The following DCAF5 variants were observed in gnomAD, a reference collection of about 807,000 sequenced individuals.
DCAF5 encodes DDB1- and CUL4-associated factor 5.
In DCAF5, 9 loss-of-function variants were observed where a neutral mutation model predicts 80.7. The ratio of observed to expected loss-of-function variants is 0.11; its 90% CI spans 0.07 to 0.19. The LOEUF (loss-of-function observed/expected upper bound fraction) is 0.19. Among genes scored for constraint, DCAF5 ranks in the 10% least tolerant of loss-of-function variants. The probability of loss-of-function intolerance (pLI) is 1.00; values close to 1 mark genes in which losing one functional copy is unlikely to be tolerated. For synonymous variants in DCAF5, 433 were observed against 461.9 expected (o/e 0.94, Z 0.80); for missense variants, 842 against 1,205.7 (o/e 0.70, Z 4.47).
chr14:69,139,243 T>G (rs1221184903), intron 1 of DCAF5, among the ~76,000 whole-genome samples: 1 of 151,738 alleles, frequency 6.6e-6, no homozygotes, highest in Admixed American at 6.6e-5. Context: ...TCCCAACACT[T>G]TGGGAGGCAG....
chr14:69,056,384 G>A (rs901581503), intron 8 of DCAF5, among the ~76,000 whole-genome samples: 13 of 152,178 alleles, frequency 8.5e-5, no homozygotes, highest in Non-Finnish European at 1.9e-4. Context: ...CATGGTCAGG[G>A]ACATGGACTC....
chr14:69,057,934 A>G (rs2038039614), intron 8 of DCAF5, among the ~76,000 whole-genome samples: 1 of 152,142 alleles, frequency 6.6e-6, no homozygotes, highest in Non-Finnish European at 1.5e-5. Context: ...CTCACACTTG[A>G]AAGCCTGTTT....
intron 7 of DCAF5, among the ~76,000 whole-genome samples, chr14:69,072,067 G>C (rs2038714859): frequency 6.6e-6 from 1 of 152,120 alleles, no homozygotes; most frequent in Admixed American, 6.5e-5. Context: ...TTAAACAAAA[G>C]TCTTCATATA....
intron 5 of DCAF5, 57 bp downstream of exon 5, chr14:69,116,309 T>G (rs895636244): frequency 6.3e-7 from 1 of 1,576,796 alleles, no homozygotes; most frequent in African/African-American, 1.4e-5. Flanking sequence ...GCTGGTCACA[T>G]TACCTGAGAA....
chr14:69,131,156 TATAC>T (rs1292728645), intron 1 of DCAF5, among the ~76,000 whole-genome samples: 2 of 152,234 alleles, frequency 1.3e-5, no homozygotes, highest in African/African-American at 2.4e-5. Context: ...TACACAAATT[TATAC>T]ATACAAAGAC....
At chr14:69,080,632 G>A (rs2039066008) in intron 6 of DCAF5, among the ~76,000 whole-genome samples, 2 of 152,124 alleles carry the variant, frequency 1.3e-5, no homozygotes, top group Admixed American at 1.3e-4. Flanking sequence ...GTCTGAAGCT[G>A]ACCTGGAGCA....
intron 6 of DCAF5, among the ~76,000 whole-genome samples, chr14:69,079,797 T>C (rs2039034361): frequency 6.6e-6 from 1 of 152,012 alleles, no homozygotes; most frequent in South Asian, 2.1e-4. Flanking sequence ...ATTACAGACA[T>C]ATATAATGTG....
At chr14:69,116,325 G>A in intron 5 of DCAF5, 41 bp downstream of exon 5, 2 of 1,588,578 alleles carry the variant, frequency 1.3e-6, no homozygotes, top group South Asian at 1.1e-5. Flanking sequence ...GAGAAATGAG[G>A]CAGAGGAAAG....
chr14:69,145,098 G>A (rs2041499834), intron 1 of DCAF5, among the ~76,000 whole-genome samples: 1 of 152,068 alleles, frequency 6.6e-6, no homozygotes, highest in Non-Finnish European at 1.5e-5. Flanking sequence ...GCTCACTGCA[G>A]CCTTGACCTT....
chr14:69,110,377 T>G (rs1268073972), intron 5 of DCAF5, among the ~76,000 whole-genome samples: 1 of 150,730 alleles, frequency 6.6e-6, no homozygotes, highest in African/African-American at 2.4e-5. Flanking sequence ...TCAAGCCTCC[T>G]GCCTCAGCCT....
chr14:69,098,727 C>CAAAA (rs35501979), intron 5 of DCAF5, among the ~76,000 whole-genome samples: 2 of 92,516 alleles, frequency 2.2e-5, no homozygotes, highest in South Asian at 7.7e-4. Flanking sequence ...ACTAAAAATA[C>CAAAA]AAAAAAAAAA....
chr14:69,080,293 A>C (rs1337002962), intron 6 of DCAF5, among the ~76,000 whole-genome samples: 1 of 152,094 alleles, frequency 6.6e-6, no homozygotes, highest in Admixed American at 6.6e-5. Context: ...GCTGATGGTT[A>C]GTGCTTAAGA....
chr14:69,143,802 T>C (rs1185102396), intron 1 of DCAF5: 1 of 152,328 alleles, frequency 6.6e-6, no homozygotes, highest in African/African-American at 2.4e-5. Context: ...CGGATCATGG[T>C]TATAAAAAAA....
chr14:69,147,455 G>C (rs2041573290), intron 1 of DCAF5, among the ~76,000 whole-genome samples: 1 of 152,130 alleles, frequency 6.6e-6, no homozygotes, highest in African/African-American at 2.4e-5. Context: ...CAACCCTGTA[G>C]GGTATTATTA....
chr14:69,121,623 T>G (rs989070639), intron 2 of DCAF5, among the ~76,000 whole-genome samples: 2 of 152,190 alleles, frequency 1.3e-5, no homozygotes, highest in South Asian at 4.1e-4. Context: ...CTATTGTATT[T>G]AAGTTGCTTT....
intron 5 of DCAF5, among the ~76,000 whole-genome samples, chr14:69,106,872 T>G (rs1486408529): frequency 6.6e-6 from 1 of 151,944 alleles, no homozygotes; most frequent in Non-Finnish European, 1.5e-5. Flanking sequence ...AAACCCCATC[T>G]CTACTAAAAA....
At chr14:69,119,363 C>A in intron 2 of DCAF5, 133 bp from the exon 3 acceptor site, 10 of 796,336 alleles carry the variant, frequency 1.3e-5, no homozygotes, top group African/African-American at 1.8e-5. Flanking sequence ...GAAGTGTTAA[C>A]TGGAAAAAAG....
chr14:69,055,485 A>G lies in DCAF5; in HGVS notation c.1201T>C (p.Ser401Pro). ...ACCGACTGGTTGGCGTAGTCATGCG[A>G]CAGGCCACTCCCACTGTTCAGCACA... ...SLVLNSGSGL[S>P]HDYANQSVQE... Residue 401 changes from serine to proline, a missense_variant, in exon 9 of 9, where the codon TCG becomes CCG. Physicochemically the swap from Ser to Pro is moderately conservative, Grantham distance 74 (BLOSUM62 -1). Around this residue, in one of 5 missense-constraint regions of DCAF5, gnomAD observed 65 missense variants for 191.3 expected, o/e 0.34. Coordinates refer to ENST00000341516, the MANE Select transcript of DCAF5 (RefSeq NM_003861.3). The surrounding 1 kb of genome is among the most constrained non-coding windows in gnomAD (Gnocchi z 5.6). 1 of 1,614,158 alleles carries G rather than the reference A, an allele frequency of 6.2e-7. No homozygotes were observed. The highest frequency in any genetic ancestry group is 8.5e-7 in the Non-Finnish European group (1 of 1,180,026).
At chr14:69,090,026 A>T (rs1353071911) in intron 6 of DCAF5, 1 of 985,336 alleles carries the variant, frequency 1.0e-6, no homozygotes, top group Non-Finnish European at 1.2e-6. Flanking sequence ...ACCTGAAGAA[A>T]ATCACCTTTC....
Sources: gnomAD v4.1 joint callset for allele counts (sites outside exome capture counted in the v4.1 genomes callset) on GRCh38, gnomAD v4.1.1 for gene constraint, gnomAD v4.1.1 regional missense constraint, Gnocchi (gnomAD v3.1) non-coding constraint, MANE v1.5 for transcripts, NCBI Gene and HGNC (gene_info 2026-07-23, HGNC 2026-07-21) for gene names.